SLC25A24: variants seen among roughly 807,000 people sequenced by gnomAD.
SLC25A24 encodes the protein mitochondrial adenyl nucleotide antiporter SLC25A24.
In SLC25A24, 49 loss-of-function variants were observed where a neutral mutation model predicts 60.7. The observed-to-expected ratio is 0.81, with a 90% confidence interval of 0.64 to 1.02. The LOEUF (loss-of-function observed/expected upper bound fraction) is 1.02, where lower values mean the gene tolerates loss of function less well. Among genes scored for constraint, SLC25A24 ranks in the 50% least tolerant of loss-of-function variants. The pLI is 0.00. For synonymous variants in SLC25A24, 202 were observed against 200.6 expected (o/e 1.01, Z -0.06); for missense variants, 564 against 586.3 (o/e 0.96, Z 0.39).
rs1167786859 is a variant in SLC25A24 at position 108,200,150 on chromosome 1, C to T, written c.-12G>A. On this transcript the variant is annotated 5_prime_UTR_variant, in exon 1 of 10. Coordinates refer to ENST00000565488, the MANE Select transcript of SLC25A24 (RefSeq NM_013386.5). ...AGCCAGCGCAACATGGTCCCAGAGG[C>T]GCAGGCGGCCTGGCCGAGGAAGTCA... 1.9e-6 allele frequency: 3 copies of T among 1,540,646 alleles called. No homozygotes were observed. The highest frequency in any genetic ancestry group is 2.6e-6 in the Non-Finnish European group (3 of 1,145,712).
chr1:108,198,447 G>A (rs1193407615), intron 1 of SLC25A24: 1 of 152,154 alleles, frequency 6.6e-6, no homozygotes, highest in Non-Finnish European at 1.5e-5. Context: ...TTTATCTTAC[G>A]AAAGTAACTG....
chr1:108,167,340 C>T (rs1162800108), intron 3 of SLC25A24, among the ~76,000 whole-genome samples: 2 of 152,118 alleles, frequency 1.3e-5, no homozygotes, highest in African/African-American at 4.8e-5. Flanking sequence ...TTCCCGGCTG[C>T]TTTGTTTACC....
At chr1:108,141,935 AAC>A (rs890796067) in intron 8 of SLC25A24, among the ~76,000 whole-genome samples, 6 of 152,218 alleles carry the variant, frequency 3.9e-5, no homozygotes, top group African/African-American at 1.4e-4. Context: ...TCTGTTGCAC[AAC>A]AAACCACAAA....
At chr1:108,159,088 C>G (rs2101615740) in intron 4 of SLC25A24, among the ~76,000 whole-genome samples, 1 of 152,232 alleles carries the variant, frequency 6.6e-6, no homozygotes, top group East Asian at 1.9e-4. Context: ...GAGCAGATTG[C>G]ACAATAATAG....
At chr1:108,160,068 G>A (rs1405806449) in intron 4 of SLC25A24, among the ~76,000 whole-genome samples, 7 of 148,986 alleles carry the variant, frequency 4.7e-5, no homozygotes, top group Non-Finnish European at 7.4e-5. Flanking sequence ...CTCACCTCCC[G>A]GATGGGGTGG....
At chr1:108,155,950 A>AAC (rs58815373) in intron 5 of SLC25A24, among the ~76,000 whole-genome samples, 24,234 of 149,084 alleles carry the variant, frequency 0.16, 2,135 homozygotes, top group South Asian at 0.2. Context: ...ACTACCACTA[A>AAC]ACACACACAC....
intron 4 of SLC25A24, among the ~76,000 whole-genome samples, chr1:108,160,975 G>A (rs1427005887): frequency 1.3e-5 from 2 of 152,010 alleles, no homozygotes; most frequent in East Asian, 3.9e-4. Context: ...GGGAGGGGGA[G>A]AGAGAGGGAG....
At chr1:108,163,603 G>A (rs1275934543) in intron 3 of SLC25A24, among the ~76,000 whole-genome samples, 1 of 151,988 alleles carries the variant, frequency 6.6e-6, no homozygotes, top group Non-Finnish European at 1.5e-5. Flanking sequence ...GTCTGTTGCT[G>A]GTGTATAAGA....
chr1:108,191,020 T>A (rs1471827033), intron 1 of SLC25A24, among the ~76,000 whole-genome samples: 1 of 140,686 alleles, frequency 7.1e-6, no homozygotes, highest in Non-Finnish European at 1.6e-5. Flanking sequence ...AAGATTCGAC[T>A]TGATAGCTAA....
At chr1:108,166,900 T>C (rs1680271410) in intron 3 of SLC25A24, among the ~76,000 whole-genome samples, 1 of 151,984 alleles carries the variant, frequency 6.6e-6, no homozygotes, top group Admixed American at 6.5e-5. Context: ...TTCTGCTCTG[T>C]TTTTTCCCCA....
At chr1:108,175,169 T>C (rs182387030) in intron 3 of SLC25A24, among the ~76,000 whole-genome samples, 1 of 152,256 alleles carries the variant, frequency 6.6e-6, no homozygotes, top group African/African-American at 2.4e-5. Context: ...TCATTTTGAA[T>C]TATAGTTCCA....
chr1:108,145,860 G>A (rs753713651), intron 7 of SLC25A24, among the ~76,000 whole-genome samples: 2 of 152,054 alleles, frequency 1.3e-5, no homozygotes, highest in African/African-American at 2.4e-5. Context: ...CGTTCATTTT[G>A]CTTAGGATTG....
intron 1 of SLC25A24, among the ~76,000 whole-genome samples, chr1:108,189,978 G>T (rs1458437633): frequency 6.6e-6 from 1 of 151,900 alleles, no homozygotes; most frequent in Non-Finnish European, 1.5e-5. Context: ...CAGATAAAAG[G>T]GGACTACTAT....
intron 7 of SLC25A24, among the ~76,000 whole-genome samples, chr1:108,145,754 T>G (rs1030284571): frequency 2.0e-5 from 3 of 152,118 alleles, no homozygotes; most frequent in African/African-American, 7.2e-5. Context: ...TTCTGTTCCA[T>G]TGGTCTATAT....
chr1:108,196,353 T>G (rs1409026382), intron 1 of SLC25A24, among the ~76,000 whole-genome samples: 1 of 152,014 alleles, frequency 6.6e-6, no homozygotes, highest in African/African-American at 2.4e-5. Flanking sequence ...TTTTAAAGGG[T>G]TTTTTAACAT....
chr1:108,168,409 A>AT (rs961275409), intron 3 of SLC25A24, among the ~76,000 whole-genome samples: 1 of 152,054 alleles, frequency 6.6e-6, no homozygotes, highest in African/African-American at 2.4e-5. Flanking sequence ...CAAGGCAAGG[A>AT]TTTTTTTTAA....
Position 108,148,297 on chromosome 1 carries a change from A to G in SLC25A24, c.912T>C (p.Thr304=). 4 of 1,607,308 alleles carry G rather than the reference A, an allele frequency of 2.5e-6. No homozygotes were observed. The highest frequency in any genetic ancestry group is 1.1e-5 in the South Asian group (1 of 90,970). Residue 304 remains threonine, a synonymous_variant, in exon 7 of 10, where the codon ACT becomes ACC. Coordinates refer to ENST00000565488, the MANE Select transcript of SLC25A24 (RefSeq NM_013386.5). ...TACTCACCTCCATTGGATATATAAA[A>G]GTCTGTGCAGTTGCTCCAGCCATGG... The part of the protein sequence containing the change: ...SGSMAGATAQ[T]FIYPMEVMKT...
In SLC25A24 at chr1:108,184,255, T is replaced by G. The variant is rs181502413; in HGVS notation, c.310+1573A>C. Reference sequence around the variant, plus strand: ...CCTCTGATTATCTGGCAATTGATCTTAAGGTAGCTCCATCTCTCAGCTACT... The same window carrying G: ...CCTCTGATTATCTGGCAATTGATCTGAAGGTAGCTCCATCTCTCAGCTACT... On this transcript the variant is annotated intron_variant, in intron 2 of 9. Coordinates refer to ENST00000565488, the MANE Select transcript of SLC25A24 (RefSeq NM_013386.5). Among the ~76,000 whole-genome samples the G allele has an allele frequency of 1.2e-3, 179 of 152,328 alleles. 1 individual carries two copies. The highest frequency in any genetic ancestry group is 4.1e-3 in the African/African-American group (170 of 41,578).
intron 3 of SLC25A24, among the ~76,000 whole-genome samples, chr1:108,175,869 C>A (rs902287493): frequency 6.6e-6 from 1 of 152,064 alleles, no homozygotes; most frequent in Non-Finnish European, 1.5e-5. Context: ...TAAAGAATCT[C>A]TAGACAGGCT....
Sources: gnomAD v4.1 joint callset for allele counts (sites outside exome capture counted in the v4.1 genomes callset) on GRCh38, gnomAD v4.1.1 for gene constraint, MANE v1.5 for transcripts, NCBI Gene and HGNC (gene_info 2026-07-23, HGNC 2026-07-21) for gene names.